ELP4: variants seen among roughly 807,000 people sequenced by gnomAD.
The protein encoded by ELP4 is elongator complex protein 4.
In ELP4, 51 loss-of-function variants were observed where a neutral mutation model predicts 48.9. The ratio of observed to expected loss-of-function variants is 1.04; its 90% CI spans 0.83 to 1.32. The LOEUF (loss-of-function observed/expected upper bound fraction) is 1.32. ELP4 is among the 40% of genes most tolerant of loss of function. ELP4 has a pLI of 0.00. For missense variants in ELP4, 519 were observed against 514.6 expected (o/e 1.01, Z -0.08); for synonymous variants, 210 against 189.2 (o/e 1.11, Z -0.90).
chr11:31,652,025 AT>A (rs1474750012), intron 9 of ELP4: 1 of 151,744 alleles, frequency 6.6e-6, no homozygotes, highest in Non-Finnish European at 1.5e-5. Flanking sequence ...AAGATCTTTT[AT>A]TAACCACACA....
At chr11:31,537,811 A>G (rs998439264) in intron 2 of ELP4, among the ~76,000 whole-genome samples, 12 of 152,182 alleles carry the variant, frequency 7.9e-5, no homozygotes, top group African/African-American at 2.9e-4. Flanking sequence ...ACAATTTGAC[A>G]TGAGATTTGG....
At chr11:31,604,051 G>C (rs1206465885) in intron 5 of ELP4, 144 bp downstream of exon 5, 1 of 607,214 alleles carries the variant, frequency 1.6e-6, no homozygotes, top group Non-Finnish European at 2.5e-6. Flanking sequence ...GTAACTTCAA[G>C]TCTATGTATT....
Position 31,787,164 on chromosome 11 carries a change from G to A in ELP4, c.*3640G>A, listed in dbSNP as rs1265316024. The A allele has an allele frequency of 4.3e-6, 1 of 232,684 alleles. No homozygotes were observed. The highest frequency in any genetic ancestry group is 6.0e-5 in the East Asian group (1 of 16,550). 14.4% of individuals were successfully genotyped at this position (232,684 alleles called of 1,614,324 possible). Reference sequence around the variant, plus strand: ...GGACAGCTCATGTCCCTAGGGTGTGGGCAGAAGGCAAGGCAGCCGTTCCCA... The same window carrying A: ...GGACAGCTCATGTCCCTAGGGTGTGAGCAGAAGGCAAGGCAGCCGTTCCCA... On this transcript the variant is annotated 3_prime_UTR_variant, in exon 10 of 10. Transcript: ENST00000640961.
intron 9 of ELP4, among the ~76,000 whole-genome samples, chr11:31,747,699 A>G (rs915786256): frequency 3.3e-5 from 5 of 152,244 alleles, no homozygotes; most frequent in Non-Finnish European, 5.9e-5. Context: ...AGTAATCACC[A>G]TGGTCAGAGA....
chr11:31,727,766 C>G (rs1427064827), intron 9 of ELP4: 1 of 152,074 alleles, frequency 6.6e-6, no homozygotes, highest in African/African-American at 2.4e-5. Context: ...GAAACTGAGA[C>G]TCAGAAAGGT....
chr11:31,557,943 A>G (rs1035545126), intron 3 of ELP4, among the ~76,000 whole-genome samples: 14 of 152,052 alleles, frequency 9.2e-5, no homozygotes, highest in African/African-American at 2.9e-4. Flanking sequence ...TTTTAGCACT[A>G]TATATCTTTT....
chr11:31,630,967 A>G (rs1339806136), intron 6 of ELP4, among the ~76,000 whole-genome samples: 1 of 152,084 alleles, frequency 6.6e-6, no homozygotes, highest in Non-Finnish European at 1.5e-5. Context: ...AAAGAAAGAA[A>G]GAGAAAACAA....
chr11:31,657,597 G>T (rs991263677), intron 9 of ELP4, among the ~76,000 whole-genome samples: 1 of 151,666 alleles, frequency 6.6e-6, no homozygotes, highest in South Asian at 2.1e-4. Flanking sequence ...ACATATATTT[G>T]GTATCTACTT....
At chr11:31,612,139 G>T (rs1957992193) in intron 5 of ELP4, among the ~76,000 whole-genome samples, 1 of 152,098 alleles carries the variant, frequency 6.6e-6, no homozygotes, top group Admixed American at 6.6e-5. Flanking sequence ...AACTGGAAGG[G>T]GTTTGGGGTG....
At chr11:31,678,908 T>C (rs895467276) in intron 9 of ELP4, among the ~76,000 whole-genome samples, 1 of 152,176 alleles carries the variant, frequency 6.6e-6, no homozygotes, top group African/African-American at 2.4e-5. Context: ...TCCACATCCT[T>C]GTCAGCATTT....
chr11:31,729,607 C>A (rs1263982366), intron 9 of ELP4, among the ~76,000 whole-genome samples: 7 of 152,138 alleles, frequency 4.6e-5, no homozygotes, highest in African/African-American at 1.7e-4. Flanking sequence ...AGCTTTGGGG[C>A]TTTCTATATG....
intron 9 of ELP4, among the ~76,000 whole-genome samples, chr11:31,755,730 CAAAAAAAAAAA>C (rs58181247): frequency 7.1e-5 from 7 of 99,258 alleles, no homozygotes; most frequent in African/African-American, 2.3e-4. Context: ...CCTGGAATTA[CAAAAAAAAAAA>C]AAAAAAAGAA....
intron 9 of ELP4, among the ~76,000 whole-genome samples, chr11:31,689,929 A>G (rs1269315067): frequency 1.3e-5 from 2 of 152,192 alleles, no homozygotes; most frequent in African/African-American, 4.8e-5. Flanking sequence ...AGTGCTTGTT[A>G]GCAAACAATA....
At position 31,789,876 on chromosome 11, in the gene ELP4, A is replaced by G. The variant is rs775315951; in HGVS notation, c.*6352A>G. The stretch of plus-strand genomic sequence containing the variant: ...CTGAAAGCTCAACTGTTGTGTCCCC[A>G]TAGTCACTGACTGAATTAACACAAT... On this transcript the variant is annotated 3_prime_UTR_variant, in exon 10 of 10. Transcript: ENST00000640961. 2.5e-5 allele frequency: 36 copies of G among 1,452,358 alleles called. No individual in the cohort carries two copies. The highest frequency in any genetic ancestry group is 1.7e-4 in the Middle Eastern group (1 of 5,742). The allele number at this position is 1,452,358 out of a possible 1,614,324, so 90.0% of individuals were successfully genotyped here. A position where few individuals can be genotyped will look rare whatever the true frequency, so the allele number is the denominator to read the frequency against.
At position 31,601,268 on chromosome 11, in the gene ELP4, T is replaced by C. The variant is rs184099198; in HGVS notation, c.514-2500T>C. 6.8e-3 allele frequency among the ~76,000 whole-genome samples: 1,029 copies of C among 152,220 alleles called. 11 individuals are homozygous for C. Among genetic ancestry groups the C allele is most frequent in the African/African-American group, 0.024 (979 of 41,548 alleles). On this transcript the variant is annotated intron_variant, in intron 4 of 9. Transcript: ENST00000640961. ...TCAAAATCTGATTATATGTTAATGT[T>C]ATATGTCTTGAGCAGAAAAATTTGG... is the stretch of plus-strand genomic sequence containing the variant.
intron 9 of ELP4, among the ~76,000 whole-genome samples, chr11:31,665,543 A>C (rs1435090679): frequency 6.6e-6 from 1 of 151,868 alleles, no homozygotes; most frequent in Non-Finnish European, 1.5e-5. Flanking sequence ...TATATTATTG[A>C]TATACCATAA....
Position 31,556,305 on chromosome 11 carries a change from T to C in ELP4, c.381+16522T>C, listed in dbSNP as rs563626412. Among the ~76,000 whole-genome samples the C allele has an allele frequency of 9.9e-4, 151 of 152,054 alleles. 2 individuals carry two copies. Among genetic ancestry groups the C allele is most frequent in the African/African-American group, 3.3e-3 (136 of 41,572 alleles). ...AAGTATTTTTCAGTTAGCTTTCTTGTCTAAAGAAATTTTCTTCATCATCTC... is the reference window on the plus strand; with the variant it reads ...AAGTATTTTTCAGTTAGCTTTCTTGCCTAAAGAAATTTTCTTCATCATCTC... On this transcript the variant is annotated intron_variant, in intron 3 of 9. Coordinates refer to ENST00000640961, the MANE Select transcript of ELP4 (RefSeq NM_019040.5).
intron 7 of ELP4, 102 bp from the exon 8 acceptor site, chr11:31,647,639 A>T (rs1014502938): frequency 2.1e-5 from 15 of 704,458 alleles, no homozygotes; most frequent in Non-Finnish European, 3.5e-5. Context: ...TTGATAGTCT[A>T]TCTCCACTAC....
intron 3 of ELP4, among the ~76,000 whole-genome samples, chr11:31,592,119 G>C (rs1481279711): frequency 6.6e-6 from 1 of 152,140 alleles, no homozygotes; most frequent in Non-Finnish European, 1.5e-5. Context: ...TTCTAAATGG[G>C]TGTGCAGTTT....
Sources: gnomAD v4.1 joint callset for allele counts (sites outside exome capture counted in the v4.1 genomes callset) on GRCh38, gnomAD v4.1.1 for gene constraint, MANE v1.5 for transcripts, NCBI Gene and HGNC (gene_info 2026-07-23, HGNC 2026-07-21) for gene names.